RHBDF2: variants seen among roughly 807,000 people sequenced by gnomAD.
RHBDF2 encodes inactive rhomboid protein 2.
RHBDF2 carries 38 observed loss-of-function variants against 95.2 expected under a neutral mutation model. The ratio of observed to expected loss-of-function variants is 0.40; its 90% CI spans 0.31 to 0.52. The LOEUF (loss-of-function observed/expected upper bound fraction) is 0.52, where lower values mean the gene tolerates loss of function less well. Among genes scored for constraint, RHBDF2 ranks in the 20% least tolerant of loss-of-function variants. The probability of loss-of-function intolerance (pLI) is 0.56; values close to 1 mark genes in which losing one functional copy is unlikely to be tolerated. For missense variants in RHBDF2, 863 were observed against 1,137.7 expected (o/e 0.76, Z 3.47); for synonymous variants, 442 against 462.0 (o/e 0.96, Z 0.55).
chr17:76,479,200 T>A lies in RHBDF2; in HGVS notation c.350A>T (p.His117Leu), dbSNP rs1376228706. 6.2e-7 allele frequency: 1 copy of A among 1,611,282 alleles called. No individual in the cohort carries two copies. Among genetic ancestry groups the A allele is most frequent in the African/African-American group, 1.3e-5 (1 of 74,922 alleles). Reference sequence around the variant, plus strand: ...CAGGCGGCCGTAGCGCATGCTGCAGTGGTGCAGGCTGCGGCGCTGCCACTG... The same window carrying A: ...CAGGCGGCCGTAGCGCATGCTGCAGAGGTGCAGGCTGCGGCGCTGCCACTG... Reference protein sequence around the residue: ...RQQWQRRSLHHCSMRYGRLKA... With the variant: ...RQQWQRRSLHLCSMRYGRLKA... The change falls in exon 5 of 19, where the codon CAC becomes CTC. Residue 117 changes from histidine (H) to leucine (L), a missense_variant. By Grantham distance (99) the His-to-Leu change is moderately conservative. Transcript: ENST00000675367.
rs201151057 is a variant in RHBDF2 at position 76,474,066 on chromosome 17, C to T, written c.1541G>A (p.Arg514Gln). ...PMDKSDLGQK[R>Q]TSGAVCHQDP... ...CTGGTGGCAGACAGCCCCCGAAGTC[C>T]GCTTCTGGCCCAGATCAGACTTGTC... Residue 514 changes from arginine to glutamine, a missense_variant, in exon 13 of 19, where the codon CGG becomes CAG. By Grantham distance (43) the Arg-to-Gln change is conservative (BLOSUM62 1). Around this residue, in one of 2 missense-constraint regions of RHBDF2, gnomAD observed 611 missense variants for 725.5 expected, o/e 0.84. Coordinates refer to ENST00000675367, the MANE Select transcript of RHBDF2 (RefSeq NM_001005498.4). 1.8e-4 allele frequency: 284 copies of T among 1,613,132 alleles called. 3 individuals are homozygous for T. The highest frequency in any genetic ancestry group is 4.7e-5 in the Non-Finnish European group (55 of 1,179,910).
intron 2 of RHBDF2, among the ~76,000 whole-genome samples, chr17:76,484,898 C>A (rs1279186104): frequency 6.6e-6 from 1 of 152,178 alleles, no homozygotes; most frequent in Non-Finnish European, 1.5e-5. Context: ...AGTCACCTGA[C>A]AACTCATCAC....
chr17:76,486,045 G>C (rs2074116431), intron 2 of RHBDF2, among the ~76,000 whole-genome samples: 1 of 151,152 alleles, frequency 6.6e-6, no homozygotes. Flanking sequence ...TGTGGTGATG[G>C]TGGCACAATT....
chr17:76,497,102 G>T (rs1415145091), intron 1 of RHBDF2, among the ~76,000 whole-genome samples: 1 of 152,204 alleles, frequency 6.6e-6, no homozygotes, highest in African/African-American at 2.4e-5. Context: ...AACCTGGGGA[G>T]ACCCACTGGG....
rs752634503 is a variant in RHBDF2 at position 76,471,771 on chromosome 17, G to A, written c.2346C>T (p.Ala782=). 13 of 1,609,246 alleles carry A rather than the reference G, an allele frequency of 8.1e-6. No individual in the cohort carries two copies. Among genetic ancestry groups the A allele is most frequent in the South Asian group, 3.3e-5 (3 of 90,194 alleles). ...CGAGGGCGGCGAAGAGGCCGGCAAA[G>A]GCCAGCAGTGACACCAGGATGAGTG... is the stretch of plus-strand genomic sequence containing the variant. The part of the protein sequence containing the change: ...KRALILVSLL[A]FAGLFAALVL... The change falls in exon 19 of 19, where the codon GCC becomes GCT. Residue 782 remains alanine, a synonymous_variant. Transcript: ENST00000675367.
At position 76,495,925 on chromosome 17, in the gene RHBDF2, C is replaced by T. The variant is rs115017170; in HGVS notation, c.-220+5428G>A. Among the ~76,000 whole-genome samples the T allele has an allele frequency of 4.5e-3, 686 of 152,302 alleles. 2 individuals are homozygous for T. Among genetic ancestry groups the T allele is most frequent in the African/African-American group, 0.015 (630 of 41,564 alleles). On this transcript the variant is annotated intron_variant, in intron 1 of 18. Transcript: ENST00000675367. ...CAGTGACTGCCAGGGTTTCAGGACACGGGGACACCAGGTTGCTTGTCCCAA... is the reference window on the plus strand; with the variant it reads ...CAGTGACTGCCAGGGTTTCAGGACATGGGGACACCAGGTTGCTTGTCCCAA...
Position 76,479,940 on chromosome 17 carries a change from C to T in RHBDF2, c.151-86G>A, listed in dbSNP as rs900605996. Reference sequence around the variant, plus strand: ...TTTCTTTAGCCTCCTATTCTGAAAACCCTGAGAACAAACTTCAACCCTGAT... The same window carrying T: ...TTTCTTTAGCCTCCTATTCTGAAAATCCTGAGAACAAACTTCAACCCTGAT... On this transcript the variant is annotated intron_variant, in intron 3 of 18. Transcript: ENST00000675367. 5.8e-6 allele frequency: 9 copies of T among 1,564,950 alleles called. No individual in the cohort carries two copies. The Admixed American group carries it at 9.9e-5, about 17-fold the overall frequency.
rs765071696 is a variant in RHBDF2, at chr17:76,479,015, A to T, written c.469-6T>A. 8 of 1,604,890 alleles carry T rather than the reference A, an allele frequency of 5.0e-6. No homozygotes were observed. The highest frequency in any genetic ancestry group is 6.8e-6 in the Non-Finnish European group (8 of 1,174,370). ...CGGGCCAGCGGATCCACAATCTGGAAGGGAGGGGGGCGGTAAGCAGAGCCA... is the reference window on the plus strand; with the variant it reads ...CGGGCCAGCGGATCCACAATCTGGATGGGAGGGGGGCGGTAAGCAGAGCCA... On this transcript the variant is annotated splice_polypyrimidine_tract_variant and splice_region_variant and intron_variant, in intron 5 of 18. Coordinates refer to ENST00000675367, the MANE Select transcript of RHBDF2 (RefSeq NM_001005498.4).
chr17:76,474,643 G>T (rs2073707258), intron 11 of RHBDF2, 87 bp downstream of exon 11: 1 of 1,611,972 alleles, frequency 6.2e-7, no homozygotes, highest in Non-Finnish European at 8.5e-7. Context: ...GGGCCTGCGG[G>T]TGGGTGAGGA....
In RHBDF2 at chr17:76,476,997, G is replaced by A. The variant is rs768965889; in HGVS notation, c.948C>T (p.Pro316=). 56 of 1,613,588 alleles carry A rather than the reference G, an allele frequency of 3.5e-5. No homozygotes were observed. Among genetic ancestry groups the A allele is most frequent in the Admixed American group, 2.3e-4 (14 of 60,014 alleles). The change falls in exon 9 of 19, where the codon CCC becomes CCT. Residue 316 remains proline (P), a synonymous_variant. Coordinates refer to ENST00000675367, the MANE Select transcript of RHBDF2 (RefSeq NM_001005498.4). ...CGATGCGCTTGCCGCGCCGGGGCCC[G>A]GGGACTGGGGCTCGGCCATACTCCT... ...PLKEYGRAPV[P]GPRRGKRIAS... is the part of the protein sequence containing the mutation.
intron 6 of RHBDF2, among the ~76,000 whole-genome samples, chr17:76,478,488 CAG>C (rs1467812901): frequency 1.3e-5 from 2 of 152,222 alleles, no homozygotes; most frequent in Non-Finnish European, 2.9e-5. Context: ...CAGCACGTAA[CAG>C]GGACTTGGAA....
At chr17:76,474,950 TG>T in intron 10 of RHBDF2, 79 bp downstream of exon 10, 1 of 1,460,198 alleles carries the variant, frequency 6.8e-7, no homozygotes, top group East Asian at 2.4e-5. Context: ...ATTGTTGCGG[TG>T]GGAGGGATTA....
chr17:76,478,390 C>T (rs868744324), intron 6 of RHBDF2, among the ~76,000 whole-genome samples: 14 of 152,238 alleles, frequency 9.2e-5, no homozygotes, highest in Admixed American at 3.3e-4. Context: ...TGATAACAGC[C>T]GCTCTCCTAA....
At position 76,471,762 on chromosome 17, in the gene RHBDF2, G is replaced by A. The variant is rs766040013; in HGVS notation, c.2355C>T (p.Gly785=). 11 of 1,609,812 alleles carry A rather than the reference G, an allele frequency of 6.8e-6. No homozygotes were observed. In the South Asian group the frequency reaches 1.2e-4, roughly 18 times the overall value. Residue 785 remains glycine, a synonymous_variant, in exon 19 of 19, where the codon GGC becomes GGT. Coordinates refer to ENST00000675367, the MANE Select transcript of RHBDF2 (RefSeq NM_001005498.4). ...LILVSLLAFA[G]LFAALVLWLY... ...GCCACAGCACGAGGGCGGCGAAGAG[G>A]CCGGCAAAGGCCAGCAGTGACACCA...
chr17:76,472,773 G>A lies in RHBDF2; in HGVS notation c.1977C>T (p.Ala659=), dbSNP rs763568164. The change falls in exon 18 of 19, where the codon GCC becomes GCT. Residue 659 remains alanine, a synonymous_variant. Transcript: ENST00000675367. ...AGATGATGGCGATACGGTGCCAGCCGGCCAGCTTCTCCAGGTCCCTCAGGA... is the reference window on the plus strand; with the variant it reads ...AGATGATGGCGATACGGTGCCAGCCAGCCAGCTTCTCCAGGTCCCTCAGGA... ...MTILRDLEKL[A]GWHRIAIIFI... The A allele has an allele frequency of 3.0e-5, 49 of 1,611,652 alleles. No individual in the cohort carries two copies. The highest frequency in any genetic ancestry group is 1.3e-4 in the East Asian group (6 of 44,798).
chr17:76,495,149 G>A (rs777501738), intron 1 of RHBDF2, among the ~76,000 whole-genome samples: 5 of 152,234 alleles, frequency 3.3e-5, no homozygotes, highest in East Asian at 1.9e-4. Context: ...CCCGGCAGCC[G>A]GGTTTTCACG....
At chr17:76,484,597 T>C (rs1323479140) in intron 2 of RHBDF2, among the ~76,000 whole-genome samples, 13 of 150,940 alleles carry the variant, frequency 8.6e-5, no homozygotes, top group Admixed American at 8.6e-4. Context: ...GACTGATCAT[T>C]CTCCGCACCG....
intron 1 of RHBDF2, among the ~76,000 whole-genome samples, chr17:76,495,243 C>T (rs1179480814): frequency 6.6e-6 from 1 of 152,218 alleles, no homozygotes; most frequent in African/African-American, 2.4e-5. Context: ...GTGAGAGGTC[C>T]GTTTCACTCC....
At chr17:76,474,669 T>C in intron 11 of RHBDF2, 61 bp downstream of exon 11, 1 of 1,613,866 alleles carries the variant, frequency 6.2e-7, no homozygotes, top group Non-Finnish European at 8.5e-7. Flanking sequence ...CCTGCCCAGC[T>C]GGGAGTGACA....
Sources: gnomAD v4.1 joint callset for allele counts (sites outside exome capture counted in the v4.1 genomes callset) on GRCh38, gnomAD v4.1.1 for gene constraint, gnomAD v4.1.1 regional missense constraint, MANE v1.5 for transcripts, NCBI Gene and HGNC (gene_info 2026-07-23, HGNC 2026-07-21) for gene names.